LRRC36: variants seen among roughly 807,000 people sequenced by gnomAD.
The protein encoded by LRRC36 is leucine rich repeat containing 36.
Under a neutral mutation model 81.1 loss-of-function variants are expected in LRRC36, and 62 were observed. The ratio of observed to expected loss-of-function variants is 0.76; its 90% confidence interval spans 0.62 to 0.94. The LOEUF is 0.94. Ranked by LOEUF, LRRC36 falls within the 40% of genes least tolerant of loss-of-function variation. The probability of loss-of-function intolerance (pLI) is 0.00; values close to 1 mark genes in which losing one functional copy is unlikely to be tolerated. For missense variants in LRRC36, 761 were observed against 881.7 expected (o/e 0.86, Z 1.73); for synonymous variants, 334 against 348.6 (o/e 0.96, Z 0.47).
chr16:67,330,591 G>A (rs1053633132), intron 1 of LRRC36, among the ~76,000 whole-genome samples: 1 of 152,100 alleles, frequency 6.6e-6, no homozygotes, highest in Non-Finnish European at 1.5e-5. Context: ...GCTGGGCATG[G>A]TCGTTCACGC....
intron 5 of LRRC36, among the ~76,000 whole-genome samples, chr16:67,355,167 G>A (rs1376934041): frequency 6.6e-6 from 1 of 152,104 alleles, no homozygotes; most frequent in African/African-American, 2.4e-5. Context: ...CCCACTGAAA[G>A]ACATCTTGGT....
At chr16:67,363,400 C>G (rs1019343921) in intron 5 of LRRC36, among the ~76,000 whole-genome samples, 190 bp from the exon 6 acceptor site, 7 of 152,332 alleles carry the variant, frequency 4.6e-5, no homozygotes, top group Non-Finnish European at 1.0e-4. Flanking sequence ...TTTATCATCT[C>G]TGTTTTCCAA....
chr16:67,356,533 G>T (rs1363679398), intron 5 of LRRC36, among the ~76,000 whole-genome samples: 1 of 152,226 alleles, frequency 6.6e-6, no homozygotes, highest in East Asian at 1.9e-4. Context: ...GAGCAATTCA[G>T]CAAAGAAGTG....
chr16:67,341,588 C>T (rs1454764614), intron 1 of LRRC36, among the ~76,000 whole-genome samples: 3 of 151,760 alleles, frequency 2.0e-5, no homozygotes, highest in East Asian at 1.9e-4. Context: ...ATCTTAAAAC[C>T]GCTCTGAAAT....
chr16:67,339,127 T>C (rs982199973), intron 1 of LRRC36, among the ~76,000 whole-genome samples: 6 of 151,564 alleles, frequency 4.0e-5, no homozygotes, highest in Non-Finnish European at 7.4e-5. Context: ...ACTCCTGACC[T>C]CAAGTGATCC....
intron 1 of LRRC36, among the ~76,000 whole-genome samples, chr16:67,341,535 C>T (rs2038082775): frequency 6.6e-6 from 1 of 151,564 alleles, no homozygotes; most frequent in Admixed American, 6.6e-5. Flanking sequence ...TGCTGATGGA[C>T]CTTTGACAGT....
Position 67,375,393 on chromosome 16 carries a change from C to G in LRRC36, c.1641C>G (p.Leu547=). 6.3e-7 allele frequency: 1 copy of G among 1,584,240 alleles called. No individual in the cohort carries two copies. Among genetic ancestry groups the G allele is most frequent in the Non-Finnish European group, 8.5e-7 (1 of 1,171,778 alleles). ...ACTGGAATGGCTCCGGCTCCCTCCT[C>G]CTCAACAAGAAGTTTCTCGGTGAGT... ...DKHWNGSGSL[L]LNKKFLGPAR... is the part of the protein sequence containing the mutation. The change falls in exon 10 of 14, where the codon CTC becomes CTG. Residue 547 remains leucine, a synonymous_variant. Transcript: ENST00000329956.
chr16:67,360,278 A>G (rs1012948167), intron 5 of LRRC36, among the ~76,000 whole-genome samples: 2 of 152,196 alleles, frequency 1.3e-5, no homozygotes, highest in African/African-American at 4.8e-5. Flanking sequence ...GTGATAGCTA[A>G]AACCCAGGAG....
At chr16:67,378,241 T>C (rs1042265421) in intron 11 of LRRC36, among the ~76,000 whole-genome samples, 1 of 142,584 alleles carries the variant, frequency 7.0e-6, no homozygotes, top group Admixed American at 6.8e-5. Flanking sequence ...GATTCTTTTT[T>C]TTTTTTTTTT....
chr16:67,330,540 A>G (rs2037431608), intron 1 of LRRC36, among the ~76,000 whole-genome samples: 1 of 152,144 alleles, frequency 6.6e-6, no homozygotes, highest in African/African-American at 2.4e-5. Flanking sequence ...TTGCTTTCTC[A>G]GTATCATTAT....
At position 67,350,202 on chromosome 16, in the gene LRRC36, C is replaced by G. The variant is rs2142033911; in HGVS notation, c.489C>G (p.Ser163Arg). 1 of 1,600,780 alleles carries G rather than the reference C, an allele frequency of 6.2e-7. No individual in the cohort carries two copies. The highest frequency in any genetic ancestry group is 2.2e-5 in the East Asian group (1 of 44,672). ...SENFLLEVEK[S>R]SREKTMKNCV... is the part of the protein sequence containing the mutation. ...GTAAATAAATTATTCTATGTGGCAGCTCTAGGGAGAAGACAATGAAAAACT... is the reference window on the plus strand; with the variant it reads ...GTAAATAAATTATTCTATGTGGCAGGTCTAGGGAGAAGACAATGAAAAACT... The change falls in exon 5 of 14, where the codon AGC becomes AGG. Residue 163 changes from serine to arginine, a missense_variant and splice_region_variant. Physicochemically the swap from Ser to Arg is moderately radical, Grantham distance 110 (BLOSUM62 -1). Around this residue, in one of 3 missense-constraint regions of LRRC36, gnomAD observed 263 missense variants for 279.3 expected, o/e 0.94. Transcript: ENST00000329956.
chr16:67,382,131 A>AGATGAT lies in LRRC36; in HGVS notation c.1931-1_1935dup. 1.2e-6 allele frequency: 2 copies of AGATGAT among 1,601,794 alleles called. No individual in the cohort carries two copies. Among genetic ancestry groups the AGATGAT allele is most frequent in the Non-Finnish European group, 1.7e-6 (2 of 1,168,830 alleles). ...CACCCCTGGCTACTGTGCCCTTTGT[A>AGATGAT]GATGATCTTCTGCACAAAAACCAAC... On this transcript the variant is annotated splice_acceptor_variant, in intron 12 of 13. Coordinates refer to ENST00000329956, the MANE Select transcript of LRRC36 (RefSeq NM_018296.6). LOFTEE classifies it high-confidence loss of function.
chr16:67,378,409 T>C (rs978619334), intron 11 of LRRC36, among the ~76,000 whole-genome samples, 180 bp from the exon 12 acceptor site: 2 of 151,884 alleles, frequency 1.3e-5, no homozygotes, highest in African/African-American at 4.8e-5. Flanking sequence ...CTGGCTAATT[T>C]TTTGTATTTT....
intron 1 of LRRC36, among the ~76,000 whole-genome samples, chr16:67,334,091 C>T (rs148250544): frequency 0.021 from 3,137 of 150,814 alleles, 93 homozygotes; most frequent in African/African-American, 0.065. Context: ...AGTGCAGTGG[C>T]GTGGATCTCG....
intron 13 of LRRC36, among the ~76,000 whole-genome samples, chr16:67,383,466 A>T (rs1266348232): frequency 6.6e-6 from 1 of 152,230 alleles, no homozygotes; most frequent in East Asian, 1.9e-4. Flanking sequence ...GCTGGGCCTC[A>T]TCCCACAGTT....
intron 5 of LRRC36, among the ~76,000 whole-genome samples, chr16:67,352,314 T>G (rs2038682475): frequency 6.6e-6 from 1 of 152,206 alleles, no homozygotes; most frequent in South Asian, 2.1e-4. Context: ...CTGTTGGTAA[T>G]CCAATATGAT....
intron 11 of LRRC36, among the ~76,000 whole-genome samples, chr16:67,377,132 G>A (rs1166439069): frequency 6.6e-6 from 1 of 152,156 alleles, no homozygotes; most frequent in Non-Finnish European, 1.5e-5. Context: ...AATAGCTCTA[G>A]AGTGGAAATG....
intron 11 of LRRC36, among the ~76,000 whole-genome samples, chr16:67,378,213 A>G (rs2039976806): frequency 6.7e-6 from 1 of 150,318 alleles, no homozygotes; most frequent in Non-Finnish European, 1.5e-5. Context: ...AGTTCTCTAA[A>G]CACACCTTAG....
intron 9 of LRRC36, 107 bp from the exon 10 acceptor site, chr16:67,375,140 A>T: frequency 1.6e-6 from 2 of 1,262,944 alleles, no homozygotes; most frequent in South Asian, 1.3e-5. Context: ...AAAAAAATTA[A>T]AAAAAAAAAA....
Sources: allele counts gnomAD v4.1 joint callset (sites outside exome capture counted in the v4.1 genomes callset), GRCh38; gene constraint gnomAD v4.1.1; regional missense constraint gnomAD v4.1.1; transcripts MANE v1.5; gene names NCBI Gene and HGNC (gene_info 2026-07-23, HGNC 2026-07-21).